Variants in ADGRB3 observed in about 807,000 individuals in gnomAD.
ADGRB3 encodes the protein adhesion G protein-coupled receptor B3.
ADGRB3 carries 37 observed loss-of-function variants against 193.4 expected under a neutral mutation model. That is an observed-to-expected ratio of 0.19 (90% confidence interval 0.15 to 0.25). ADGRB3 has a LOEUF of 0.25. Ranked by LOEUF, ADGRB3 falls within the 10% of genes least tolerant of loss-of-function variation. The pLI, the probability that ADGRB3 is intolerant of heterozygous loss-of-function variation, is 1.00. For missense variants in ADGRB3, 1,637 were observed against 1,852.9 expected (o/e 0.88, Z 2.14); for synonymous variants, 690 against 644.2 (o/e 1.07, Z -1.08).
chr6:69,335,400 G>C (rs1768824516), intron 24 of ADGRB3, among the ~76,000 whole-genome samples: 1 of 152,034 alleles, frequency 6.6e-6, no homozygotes, highest in East Asian at 1.9e-4. Context: ...TGGTTCAAAG[G>C]CCACTCCTAG....
chr6:69,370,112 C>A (rs1769675738), intron 29 of ADGRB3, among the ~76,000 whole-genome samples: 1 of 152,128 alleles, frequency 6.6e-6, no homozygotes, highest in Admixed American at 6.5e-5. Context: ...TGAATCCCAA[C>A]TCATTTGCTT....
chr6:68,701,092 TTAGAG>T (rs1469801581), intron 3 of ADGRB3, among the ~76,000 whole-genome samples: 2 of 152,134 alleles, frequency 1.3e-5, no homozygotes, highest in African/African-American at 4.8e-5. Flanking sequence ...TATGCCGAAA[TTAGAG>T]TAAATTTAAT....
At chr6:69,087,502 C>T (rs1162147838) in intron 17 of ADGRB3, among the ~76,000 whole-genome samples, 3 of 152,110 alleles carry the variant, frequency 2.0e-5, no homozygotes, top group African/African-American at 7.2e-5. Flanking sequence ...CCCCAAAGAG[C>T]TTGCTTATCA....
intron 3 of ADGRB3, among the ~76,000 whole-genome samples, chr6:68,884,373 G>C (rs1262804871): frequency 6.6e-6 from 1 of 152,172 alleles, no homozygotes; most frequent in African/African-American, 2.4e-5. Context: ...AGACATCATG[G>C]AGGGTGTCAG....
chr6:69,211,619 C>A (rs770732365), intron 17 of ADGRB3, among the ~76,000 whole-genome samples: 4 of 152,144 alleles, frequency 2.6e-5, no homozygotes, highest in Non-Finnish European at 5.9e-5. Context: ...TCACTATGTC[C>A]TTATCTTCCT....
intron 20 of ADGRB3, among the ~76,000 whole-genome samples, chr6:69,322,733 C>T (rs1768486895): frequency 6.6e-6 from 1 of 151,842 alleles, no homozygotes; most frequent in African/African-American, 2.4e-5. Context: ...TTGCGATGCT[C>T]TTTATATATG....
At chr6:68,895,093 C>T (rs1183813259) in intron 3 of ADGRB3, among the ~76,000 whole-genome samples, 2 of 151,764 alleles carry the variant, frequency 1.3e-5, no homozygotes, top group East Asian at 1.9e-4. Flanking sequence ...AATTCTAGAA[C>T]GTATTCTTTT....
intron 3 of ADGRB3, among the ~76,000 whole-genome samples, chr6:68,813,036 C>G (rs981704636): frequency 1.3e-5 from 2 of 152,128 alleles, no homozygotes. Context: ...CAAATCTCAA[C>G]GTGAAGTGTA....
chr6:68,925,437 T>C lies in ADGRB3; in HGVS notation c.758-5122T>C, dbSNP rs769617920. 7.2e-5 allele frequency among the ~76,000 whole-genome samples: 11 copies of C among 151,930 alleles called. 1 individual carries two copies. Among genetic ancestry groups the C allele is most frequent in the Non-Finnish European group, 1.3e-4 (9 of 67,888 alleles). On this transcript the variant is annotated intron_variant, in intron 3 of 31. Coordinates refer to ENST00000370598, the MANE Select transcript of ADGRB3 (RefSeq NM_001704.3). The stretch of plus-strand genomic sequence containing the variant: ...AAATCTAATAACATTTTTCAGAAAA[T>C]ATATGGGTGCTTCTCAACAGAATTT...
intron 20 of ADGRB3, among the ~76,000 whole-genome samples, chr6:69,278,488 G>T (rs1290526564): frequency 6.6e-6 from 1 of 152,030 alleles, no homozygotes; most frequent in Non-Finnish European, 1.5e-5. Context: ...CCCCCCCATT[G>T]TTTATGATAT....
Position 69,048,249 on chromosome 6 carries a change from A to T in ADGRB3, c.2172A>T (p.Gly724=). 1.9e-6 allele frequency: 3 copies of T among 1,613,676 alleles called. No homozygotes were observed. Among genetic ancestry groups the T allele is most frequent in the Non-Finnish European group, 1.7e-6 (2 of 1,179,722 alleles). ...VLTDINFPMK[G]RKGMVDWARN... is the part of the protein sequence containing the mutation. ...CAGACATCAACTTTCCAATGAAAGG[A>T]CGGAAGGGAATGGTTGACTGGGCAA... Residue 724 remains glycine (G), a synonymous_variant, in exon 14 of 32, where the codon GGA becomes GGT. Coordinates refer to ENST00000370598, the MANE Select transcript of ADGRB3 (RefSeq NM_001704.3).
At chr6:69,004,810 G>A (rs984823456) in intron 11 of ADGRB3, among the ~76,000 whole-genome samples, 3 of 152,058 alleles carry the variant, frequency 2.0e-5, no homozygotes, top group Non-Finnish European at 4.4e-5. Context: ...GGGGTTGGGG[G>A]GTGCTGAGAT....
chr6:69,151,134 C>T (rs998397758), intron 17 of ADGRB3, among the ~76,000 whole-genome samples: 1 of 152,118 alleles, frequency 6.6e-6, no homozygotes. Context: ...GGTTGCATGC[C>T]CCACCAAGTC....
At chr6:68,812,825 G>C (rs555440188) in intron 3 of ADGRB3, among the ~76,000 whole-genome samples, 1,725 of 134,360 alleles carry the variant, frequency 0.013, 42 homozygotes, top group African/African-American at 0.043. Flanking sequence ...CCCTCCCCTA[G>C]CCCCCCAACC....
At chr6:68,800,575 G>A (rs1411502899) in intron 3 of ADGRB3, among the ~76,000 whole-genome samples, 4 of 152,112 alleles carry the variant, frequency 2.6e-5, no homozygotes, top group African/African-American at 9.7e-5. Flanking sequence ...ACTAGCAAAG[G>A]AGAAGGGGAA....
chr6:68,724,652 C>G (rs1169328899), intron 3 of ADGRB3, among the ~76,000 whole-genome samples: 1 of 139,042 alleles, frequency 7.2e-6, no homozygotes, highest in Non-Finnish European at 1.5e-5. Context: ...AGTCTAAGCA[C>G]AAAAACCCAT....
chr6:68,829,956 G>T (rs114117762), intron 3 of ADGRB3, among the ~76,000 whole-genome samples: 2,145 of 152,176 alleles, frequency 0.014, 40 homozygotes, highest in African/African-American at 0.049. Context: ...AGCTGTATCT[G>T]CTATTCAGAC....
chr6:68,892,119 G>T (rs1482985182), intron 3 of ADGRB3, among the ~76,000 whole-genome samples: 1 of 152,148 alleles, frequency 6.6e-6, no homozygotes, highest in Non-Finnish European at 1.5e-5. Flanking sequence ...ATTGATAAAT[G>T]CAGCTATAGA....
intron 3 of ADGRB3, among the ~76,000 whole-genome samples, chr6:68,789,599 A>T (rs994291706): frequency 6.6e-6 from 1 of 151,862 alleles, no homozygotes; most frequent in South Asian, 2.1e-4. Context: ...TTTTTCCTTC[A>T]TTTCAACTGG....
Sources: gnomAD v4.1 joint callset for allele counts (sites outside exome capture counted in the v4.1 genomes callset) on GRCh38, gnomAD v4.1.1 for gene constraint, MANE v1.5 for transcripts, NCBI Gene and HGNC (gene_info 2026-07-23, HGNC 2026-07-21) for gene names.